ZNF215: variants seen among roughly 807,000 people sequenced by gnomAD.
ZNF215 encodes zinc finger protein 215.
ZNF215 carries 24 observed loss-of-function variants against 27.2 expected under a neutral mutation model. The ratio of observed to expected loss-of-function variants is 0.88; its 90% CI spans 0.64 to 1.24. ZNF215 has a LOEUF of 1.24. ZNF215 is among the 50% of genes most tolerant of loss of function. ZNF215 has a pLI of 0.00. For missense variants in ZNF215, 675 were observed against 605.7 expected (o/e 1.11, Z -1.20); for synonymous variants, 210 against 204.0 (o/e 1.03, Z -0.25).
chr11:6,941,764 T>G (rs1849638785), intron 4 of ZNF215, 111 bp downstream of exon 4: 2 of 1,136,462 alleles, frequency 1.8e-6, no homozygotes, highest in South Asian at 2.9e-5. Context: ...TCCAAGAACA[T>G]GAGACTTTTA....
chr11:6,932,389 G>A lies in ZNF215; in HGVS notation c.117G>A (p.Val39=), dbSNP rs1388918999. The A allele has an allele frequency of 6.2e-7, 1 of 1,614,126 alleles. No individual in the cohort carries two copies. The highest frequency in any genetic ancestry group is 8.5e-7 in the Non-Finnish European group (1 of 1,180,036). ...GGCAGCAGGAAACCAACCCCGTCGT[G>A]GAGACACATGACTCTGAGGCATCTC... is the stretch of plus-strand genomic sequence containing the variant. ...MSWQQETNPV[V]ETHDSEASRQ... The change falls in exon 3 of 7, where the codon GTG becomes GTA. Residue 39 remains valine (V), a synonymous_variant. Transcript: ENST00000278319.
downstream of ZNF215, among the ~76,000 whole-genome samples, chr11:6,993,353 A>G (rs1199397169): frequency 3.3e-5 from 5 of 152,016 alleles, no homozygotes; most frequent in Non-Finnish European, 7.4e-5. Flanking sequence ...ACTATTTCCT[A>G]CTTCATTTTA....
In ZNF215 at chr11:6,956,917, A is replaced by G; in HGVS notation, c.*386A>G. The G allele has an allele frequency of 2.0e-6, 2 of 994,694 alleles. No homozygotes were observed. Among genetic ancestry groups the G allele is most frequent in the Non-Finnish European group, 2.4e-6 (2 of 835,584 alleles). The allele number at this position is 994,694 out of a possible 1,614,324, so 61.6% of individuals were successfully genotyped here. A position where few individuals can be genotyped will look rare whatever the true frequency, so the allele number is the denominator to read the frequency against. ...GCCAAACAATACTCTTGGAGTTGATATTTAATAAAACTCAGCCCTTTTAAG... is the reference window on the plus strand; with the variant it reads ...GCCAAACAATACTCTTGGAGTTGATGTTTAATAAAACTCAGCCCTTTTAAG... On this transcript the variant is annotated 3_prime_UTR_variant, in exon 7 of 7. Transcript: ENST00000278319.
At chr11:6,982,120 A>G (rs1278647901) in intron 5 of ZNF215, among the ~76,000 whole-genome samples, 50 of 151,998 alleles carry the variant, frequency 3.3e-4, no homozygotes, top group Non-Finnish European at 6.8e-4. Flanking sequence ...ATGAACTTTA[A>G]AGTAGTTTTT....
chr11:6,932,017 A>G (rs1216683862), intron 2 of ZNF215, 77 bp from the exon 3 acceptor site: 3 of 350,558 alleles, frequency 8.6e-6, no homozygotes, highest in Non-Finnish European at 1.5e-5. Context: ...TTCTTAGGCA[A>G]TTTTAATAAT....
intron 3 of ZNF215, among the ~76,000 whole-genome samples, chr11:6,933,640 A>G (rs1849340862): frequency 6.6e-6 from 1 of 151,890 alleles, no homozygotes; most frequent in South Asian, 2.1e-4. Context: ...ACAAAAAAAA[A>G]ATTAGCCGGG....
chr11:6,976,910 A>G (rs1237239927), intron 5 of ZNF215, among the ~76,000 whole-genome samples: 2 of 152,092 alleles, frequency 1.3e-5, no homozygotes, highest in Non-Finnish European at 2.9e-5. Flanking sequence ...ATCAGTTTCA[A>G]TGAGCAAAAA....
rs1267774898 is a variant in ZNF215 at position 6,957,114 on chromosome 11, G to C, written c.*583G>C. ...TAGAGTTGGGAAAGGGTTATCAACT[G>C]CAATGGGAGAAGTATGTATTGCTGT... On this transcript the variant is annotated 3_prime_UTR_variant, in exon 7 of 7. Coordinates refer to ENST00000278319, the MANE Select transcript of ZNF215 (RefSeq NM_013250.4). 1.0e-6 allele frequency: 1 copy of C among 985,302 alleles called. No homozygotes were observed. The highest frequency in any genetic ancestry group is 1.2e-6 in the Non-Finnish European group (1 of 829,930). 61.0% of individuals were successfully genotyped at this position (985,302 alleles called of 1,614,324 possible). A position where few individuals can be genotyped will look rare whatever the true frequency, so the allele number is the denominator to read the frequency against.
chr11:6,946,283 A>G (rs1849811705), intron 6 of ZNF215, among the ~76,000 whole-genome samples: 3 of 152,136 alleles, frequency 2.0e-5, no homozygotes, highest in South Asian at 4.1e-4. Context: ...TGTGATCTGC[A>G]TTTTTTAAAT....
intron 5 of ZNF215, among the ~76,000 whole-genome samples, chr11:6,971,522 T>C: frequency 6.6e-6 from 1 of 152,142 alleles, no homozygotes; most frequent in Non-Finnish European, 1.5e-5. Context: ...TAGTAGATGC[T>C]CAATAAATGC....
rs1850431187 is a variant in ZNF215, at chr11:6,957,961, T to C, written c.*1430T>C. The C allele has an allele frequency of 1.0e-6, 1 of 985,438 alleles. No individual in the cohort carries two copies. The highest frequency in any genetic ancestry group is 1.2e-6 in the Non-Finnish European group (1 of 829,936). The allele number at this position is 985,438 out of a possible 1,614,324, so 61.0% of individuals were successfully genotyped here. A position where few individuals can be genotyped will look rare whatever the true frequency, so the allele number is the denominator to read the frequency against. On this transcript the variant is annotated 3_prime_UTR_variant, in exon 7 of 7. Transcript: ENST00000278319. Reference sequence around the variant, plus strand: ...AGACATTCCCAATTAATGATGATGGTAGCTTTTTGTGAAGGTTCATACCTT... The same window carrying C: ...AGACATTCCCAATTAATGATGATGGCAGCTTTTTGTGAAGGTTCATACCTT...
At chr11:6,976,675 G>C (rs1850840531) in intron 5 of ZNF215, among the ~76,000 whole-genome samples, 1 of 151,978 alleles carries the variant, frequency 6.6e-6, no homozygotes, top group Non-Finnish European at 1.5e-5. Flanking sequence ...ACCTGGAGAG[G>C]TAACTTACAG....
intron 6 of ZNF215, among the ~76,000 whole-genome samples, chr11:6,951,961 A>T (rs1312599034): frequency 6.6e-6 from 1 of 152,168 alleles, no homozygotes; most frequent in Non-Finnish European, 1.5e-5. Flanking sequence ...TTCAAAGAAC[A>T]TCTTTATTTC....
At chr11:6,940,659 T>A (rs1307079664) in intron 3 of ZNF215, among the ~76,000 whole-genome samples, 2 of 152,200 alleles carry the variant, frequency 1.3e-5, no homozygotes, top group African/African-American at 4.8e-5. Context: ...TTGAACCCAA[T>A]TATACATTTA....
rs1402890945 is a variant in ZNF215 at position 6,957,833 on chromosome 11, A to G, written c.*1302A>G. The G allele has an allele frequency of 3.0e-6, 3 of 985,216 alleles. No homozygotes were observed. In the African/African-American group the frequency reaches 5.2e-5, roughly 17 times the overall value. 61.0% of individuals were successfully genotyped at this position (985,216 alleles called of 1,614,324 possible). On this transcript the variant is annotated 3_prime_UTR_variant, in exon 7 of 7. Coordinates refer to ENST00000278319, the MANE Select transcript of ZNF215 (RefSeq NM_013250.4). The stretch of plus-strand genomic sequence containing the variant: ...TTATGAAGTTATTAAAGTCTCCTAT[A>G]CTCTGTACACCAGAACTGTGTCTTC...
chr11:6,950,821 G>A (rs1470096122), intron 6 of ZNF215, among the ~76,000 whole-genome samples: 6 of 147,734 alleles, frequency 4.1e-5, no homozygotes, highest in African/African-American at 1.5e-4. Context: ...AATTTTCAAA[G>A]GCAATGCTTC....
chr11:6,989,879 C>T (rs1851099082), downstream of ZNF215, among the ~76,000 whole-genome samples: 1 of 152,152 alleles, frequency 6.6e-6, no homozygotes, highest in Non-Finnish European at 1.5e-5. Flanking sequence ...AAGCCTGCAA[C>T]CATAGGGAGA....
chr11:6,990,299 A>G (rs1851102534), downstream of ZNF215, among the ~76,000 whole-genome samples: 1 of 152,210 alleles, frequency 6.6e-6, no homozygotes, highest in Non-Finnish European at 1.5e-5. Flanking sequence ...AGCCTTAACA[A>G]TGGTGAAGGG....
At chr11:6,928,782 T>C (rs1849150332) in intron 2 of ZNF215, among the ~76,000 whole-genome samples, 1 of 152,204 alleles carries the variant, frequency 6.6e-6, no homozygotes, top group African/African-American at 2.4e-5. Context: ...TAGTTCATTT[T>C]TTTGTTGGAC....
Sources: allele counts gnomAD v4.1 joint callset (sites outside exome capture counted in the v4.1 genomes callset), GRCh38; gene constraint gnomAD v4.1.1; transcripts MANE v1.5; gene names NCBI Gene and HGNC (gene_info 2026-07-23, HGNC 2026-07-21).